RIMS2: variants seen among roughly 807,000 people sequenced by gnomAD.
RIMS2 encodes regulating synaptic membrane exocytosis 2.
A neutral mutation model predicts 174.4 loss-of-function variants in RIMS2; 59 were observed. That is an observed-to-expected ratio of 0.34 (90% confidence interval 0.27 to 0.42). The LOEUF (loss-of-function observed/expected upper bound fraction) is 0.42. Among genes scored for constraint, RIMS2 ranks in the 10% least tolerant of loss-of-function variants. RIMS2 has a pLI of 1.00. For missense variants in RIMS2, 1,620 were observed against 1,666.3 expected (o/e 0.97, Z 0.48); for synonymous variants, 606 against 572.5 (o/e 1.06, Z -0.84).
chr8:104,070,429 C>T (rs1463141619), intron 19 of RIMS2, among the ~76,000 whole-genome samples: 1 of 152,176 alleles, frequency 6.6e-6, no homozygotes, highest in Admixed American at 6.5e-5. Flanking sequence ...ATATGAATAA[C>T]TTCAAACAGG....
intron 6 of RIMS2, among the ~76,000 whole-genome samples, chr8:103,914,195 G>A (rs2076246170): frequency 1.3e-5 from 2 of 152,108 alleles, no homozygotes; most frequent in Admixed American, 1.3e-4. Flanking sequence ...TGAGCCCAGG[G>A]TTTCAAGTCC....
intron 1 of RIMS2, among the ~76,000 whole-genome samples, chr8:103,553,176 G>A: frequency 6.6e-6 from 1 of 152,096 alleles, no homozygotes. Flanking sequence ...ATTTACAATA[G>A]CAAAGACTTG....
chr8:104,056,267 G>C (rs1215184318), intron 19 of RIMS2, among the ~76,000 whole-genome samples: 1 of 151,932 alleles, frequency 6.6e-6, no homozygotes, highest in East Asian at 1.9e-4. Context: ...AGCCGGGCAT[G>C]GTGGCTCGTG....
At chr8:104,185,569 G>T (rs1586806515) in intron 19 of RIMS2, among the ~76,000 whole-genome samples, 1 of 151,552 alleles carries the variant, frequency 6.6e-6, no homozygotes, top group East Asian at 1.9e-4. Flanking sequence ...AATAAAGTGA[G>T]CAAAGGACAT....
At chr8:104,028,040 C>T (rs1402146921) in intron 19 of RIMS2, among the ~76,000 whole-genome samples, 4 of 151,982 alleles carry the variant, frequency 2.6e-5, no homozygotes, top group African/African-American at 9.7e-5. Flanking sequence ...AACTGATTCT[C>T]ACACCTCAGC....
At chr8:104,187,476 G>A (rs1463017916) in intron 19 of RIMS2, among the ~76,000 whole-genome samples, 2 of 151,812 alleles carry the variant, frequency 1.3e-5, no homozygotes, top group African/African-American at 4.8e-5. Context: ...AGGTGAAACT[G>A]ACACATTTCA....
intron 3 of RIMS2, among the ~76,000 whole-genome samples, chr8:103,863,903 T>G (rs924576028): frequency 8.3e-6 from 1 of 120,542 alleles, no homozygotes; most frequent in Admixed American, 7.5e-5. Flanking sequence ...TTTTTTGTTT[T>G]TTTTGTTTGT....
At chr8:103,577,298 A>G (rs185660475) in intron 1 of RIMS2, among the ~76,000 whole-genome samples, 21 of 152,352 alleles carry the variant, frequency 1.4e-4, no homozygotes, top group Admixed American at 1.3e-3. Flanking sequence ...GGAGACATCT[A>G]TGCAGCCAAC....
At chr8:103,652,702 G>T (rs774916715) in intron 1 of RIMS2, 1 of 1,347,668 alleles carries the variant, frequency 7.4e-7, no homozygotes, top group South Asian at 1.1e-5. Flanking sequence ...ATGAAAAGGA[G>T]CCCCAGACGT....
intron 17 of RIMS2, among the ~76,000 whole-genome samples, chr8:103,990,118 A>G (rs936101404): frequency 1.3e-5 from 2 of 152,138 alleles, no homozygotes; most frequent in Non-Finnish European, 2.9e-5. Context: ...AAATGCCATT[A>G]TGTTTCCCAA....
At chr8:103,617,766 G>A (rs995030141) in intron 1 of RIMS2, among the ~76,000 whole-genome samples, 6 of 152,032 alleles carry the variant, frequency 3.9e-5, no homozygotes, top group African/African-American at 1.4e-4. Flanking sequence ...TTCAGTATTA[G>A]TGATCATTAG....
intron 3 of RIMS2, among the ~76,000 whole-genome samples, chr8:103,767,537 T>C (rs2098190504): frequency 1.3e-5 from 2 of 152,196 alleles, no homozygotes; most frequent in South Asian, 4.1e-4. Context: ...TTAAATCTGG[T>C]TTATACTATT....
intron 2 of RIMS2, among the ~76,000 whole-genome samples, chr8:103,719,679 AT>A (rs1216764477): frequency 6.6e-6 from 1 of 152,248 alleles, no homozygotes; most frequent in East Asian, 1.9e-4. Flanking sequence ...TTTTTTAAAC[AT>A]AATTTAATGT....
chr8:104,175,947 T>C (rs2098888225), intron 19 of RIMS2, among the ~76,000 whole-genome samples: 1 of 152,126 alleles, frequency 6.6e-6, no homozygotes, highest in South Asian at 2.1e-4. Flanking sequence ...TCTCTTCATG[T>C]TAGGACATGC....
At chr8:103,829,735 G>C (rs2098814183) in intron 3 of RIMS2, among the ~76,000 whole-genome samples, 1 of 151,938 alleles carries the variant, frequency 6.6e-6, no homozygotes, top group Admixed American at 6.6e-5. Context: ...GAGTGAGCAT[G>C]GAAAAACTAC....
rs191930519 is a variant in RIMS2, at chr8:104,071,683, G to A, written c.3334+57068G>A. ...AATCTACTGACCTCGTGATCTGCCC[G>A]CCTTGGCCTCCCAAAGTGCTGGGAT... On this transcript the variant is annotated intron_variant, in intron 19 of 23. Transcript: ENST00000504942. 1.6e-4 allele frequency among the ~76,000 whole-genome samples: 25 copies of A among 152,178 alleles called. No homozygotes were observed. The East Asian group carries it at 3.3e-3, about 20-fold the overall frequency.
chr8:103,549,634 T>A (rs1587452398), intron 1 of RIMS2, among the ~76,000 whole-genome samples: 1 of 152,178 alleles, frequency 6.6e-6, no homozygotes, highest in East Asian at 1.9e-4. Flanking sequence ...TAACCTTAAA[T>A]GTAAATGGGC....
chr8:103,902,419 CAT>C lies in RIMS2; in HGVS notation c.1625-7711_1625-7710del, dbSNP rs200167396. Among the ~76,000 whole-genome samples, 35 of 152,218 alleles carry C rather than the reference CAT, an allele frequency of 2.3e-4. No homozygotes were observed. The East Asian group carries it at 5.6e-3, about 24-fold the overall frequency. On this transcript the variant is annotated intron_variant, in intron 4 of 23. Coordinates refer to ENST00000504942, the Ensembl canonical transcript of RIMS2. ...GTCACAGGTCATATGACTTGTGACT[CAT>C]ATACAAAGCCATGAATACCATGAGG...
chr8:104,117,946 A>T lies in RIMS2; in HGVS notation c.3334+103331A>T, dbSNP rs149265922. Among the ~76,000 whole-genome samples the T allele has an allele frequency of 3.3e-3, 506 of 152,270 alleles. 8 individuals are homozygous for T. The highest frequency in any genetic ancestry group is 0.011 in the African/African-American group (461 of 41,572). On this transcript the variant is annotated intron_variant, in intron 19 of 23. Transcript: ENST00000504942. ...GTTGAATTGATTTCTTATTAGTGAG[A>T]TTTATGTTATGATTACACAGATTGT...
Sources: allele counts gnomAD v4.1 joint callset (sites outside exome capture counted in the v4.1 genomes callset), GRCh38; gene constraint gnomAD v4.1.1; transcripts MANE v1.5; gene names NCBI Gene and HGNC (gene_info 2026-07-23, HGNC 2026-07-21).